Variants in NKTR observed in about 807,000 individuals in gnomAD.
The protein encoded by NKTR is NK-tumor recognition protein.
In NKTR, 67 loss-of-function variants were observed where a neutral mutation model predicts 156.3. The observed-to-expected ratio is 0.43, with a 90% CI of 0.35 to 0.53. The LOEUF (loss-of-function observed/expected upper bound fraction) is 0.53. Among genes scored for constraint, NKTR ranks in the 20% least tolerant of loss-of-function variants. The pLI, the probability that NKTR is intolerant of heterozygous loss-of-function variation, is 0.01. For synonymous variants in NKTR, 640 were observed against 596.6 expected (o/e 1.07, Z -1.06); for missense variants, 1,604 against 1,730.9 (o/e 0.93, Z 1.30).
At chr3:42,619,184 A>G (rs964269710) in intron 4 of NKTR, 57 bp downstream of exon 4, 77 of 1,569,192 alleles carry the variant, frequency 4.9e-5, no homozygotes, top group Non-Finnish European at 6.1e-5. Flanking sequence ...AAAGTATTTC[A>G]TTATTACTTT....
chr3:42,642,110 A>G (rs1709939519), intron 13 of NKTR, among the ~76,000 whole-genome samples: 1 of 152,204 alleles, frequency 6.6e-6, no homozygotes, highest in Non-Finnish European at 1.5e-5. Flanking sequence ...ATTGTGTTCT[A>G]GAGATATATC....
chr3:42,627,254 C>T (rs866790419), intron 6 of NKTR: 10 of 985,234 alleles, frequency 1.0e-5, no homozygotes, highest in Middle Eastern at 5.2e-4. Flanking sequence ...CTAAGGCTCT[C>T]TCTCTCTTTG....
At position 42,639,210 on chromosome 3, in the gene NKTR, A is replaced by G. The variant is rs1417159688; in HGVS notation, c.3506A>G (p.Glu1169Gly). ...GTTTTGAAGCAGGATATGGCAACGG[A>G]ACATCCTCAAGCAGAGGTAGTAAAA... ...NIVLKQDMAT[E>G]HPQAEVVKQE... The change falls in exon 13 of 17, where the codon GAA becomes GGA. Residue 1169 changes from glutamate to glycine, a missense_variant. By Grantham distance (98) the Glu-to-Gly change is moderately conservative (BLOSUM62 -2). Transcript: ENST00000232978. 2 of 1,614,166 alleles carry G rather than the reference A, an allele frequency of 1.2e-6. No individual in the cohort carries two copies. Among genetic ancestry groups the G allele is most frequent in the Non-Finnish European group, 1.7e-6 (2 of 1,180,022 alleles).
Position 42,646,136 on chromosome 3 carries a change from T to A in NKTR, c.*161T>A. ...TCATTTACATGTGGGGAGAAGAATT[T>A]AAAATACAGATATGTCTCCTAAAAA... On this transcript the variant is annotated 3_prime_UTR_variant, in exon 17 of 17. Transcript: ENST00000232978. 1 of 476,952 alleles carries A rather than the reference T, an allele frequency of 2.1e-6. No homozygotes were observed. Among genetic ancestry groups the A allele is most frequent in the East Asian group, 3.2e-5 (1 of 31,196 alleles). 29.5% of individuals were successfully genotyped at this position (476,952 alleles called of 1,614,324 possible). A position where few individuals can be genotyped will look rare whatever the true frequency, so the allele number is the denominator to read the frequency against.
chr3:42,641,528 G>T (rs1709881868), intron 13 of NKTR, among the ~76,000 whole-genome samples: 2 of 152,252 alleles, frequency 1.3e-5, no homozygotes, highest in South Asian at 4.2e-4. Flanking sequence ...CATAAAAAAT[G>T]ATAAAAGTAT....
chr3:42,617,785 A>G (rs776033565), intron 3 of NKTR, 141 bp downstream of exon 3: 3 of 538,316 alleles, frequency 5.6e-6, no homozygotes, highest in Non-Finnish European at 9.9e-6. Flanking sequence ...ACTTATACTG[A>G]CTTTTATATG....
chr3:42,637,530 C>A lies in NKTR; in HGVS notation c.1826C>A (p.Pro609Gln), dbSNP rs778373529. Residue 609 changes from proline (P) to glutamine (Q), a missense_variant, in exon 13 of 17, where the codon CCA becomes CAA. Around this residue, in one of 6 missense-constraint regions of NKTR, gnomAD observed 1,255 missense variants for 1,243.7 expected, o/e 1.01. Transcript: ENST00000232978. ...GTAGCAGAAAATATTCCTGTAATAC[C>A]ACTGAGTGACAGTCCCCCCCCTTCA... ...PVVAENIPVI[P>Q]LSDSPPPSRW... 6.2e-7 allele frequency: 1 copy of A among 1,613,972 alleles called. No homozygotes were observed. The highest frequency in any genetic ancestry group is 1.1e-5 in the South Asian group (1 of 91,052).
chr3:42,623,824 AG>A (rs758321353), intron 6 of NKTR: 1 of 152,276 alleles, frequency 6.6e-6, no homozygotes, highest in Non-Finnish European at 1.5e-5. Context: ...TGAAAAAGAA[AG>A]GATAGTGTAA....
intron 2 of NKTR, among the ~76,000 whole-genome samples, chr3:42,608,464 T>C (rs1037751541): frequency 1.3e-5 from 2 of 152,112 alleles, no homozygotes; most frequent in Non-Finnish European, 2.9e-5. Context: ...GTATTGTAGG[T>C]GCAGAGGGTG....
At position 42,636,876 on chromosome 3, in the gene NKTR, A is replaced by ACC. The variant is rs1559583012; in HGVS notation, c.1175_1176dup (p.Cys393ProfsTer74). ...TTATGTCCTTTCTATAGGTTAAGTG[A>ACC]CCCCTGTTCAAGCCGATGGGATGAA... On this transcript the variant is annotated frameshift_variant, in exon 13 of 17. Coordinates refer to ENST00000232978, the MANE Select transcript of NKTR (RefSeq NM_005385.4). LOFTEE classifies it high-confidence loss of function. 1 of 1,561,304 alleles carries ACC rather than the reference A, an allele frequency of 6.4e-7. No individual in the cohort carries two copies. The highest frequency in any genetic ancestry group is 8.6e-7 in the Non-Finnish European group (1 of 1,161,310).
In NKTR at chr3:42,647,267, AGTGTGTGTGTGT is replaced by A. The variant is rs11442896; in HGVS notation, c.*1316_*1327del. The A allele has an allele frequency of 1.2e-4, 12 of 102,974 alleles. No homozygotes were observed. The highest frequency in any genetic ancestry group is 2.5e-4 in the African/African-American group (6 of 23,684). 6.4% of individuals were successfully genotyped at this position (102,974 alleles called of 1,614,324 possible). A position where few individuals can be genotyped will look rare whatever the true frequency, so the allele number is the denominator to read the frequency against. The stretch of plus-strand genomic sequence containing the variant: ...AAAAATAATTGGACCTGTAAAAACT[AGTGTGTGTGTGT>A]GTGTGTGTGTGTGTGTGTGTGTGGT... On this transcript the variant is annotated 3_prime_UTR_variant, in exon 17 of 17. Coordinates refer to ENST00000232978, the MANE Select transcript of NKTR (RefSeq NM_005385.4).
chr3:42,607,198 T>C (rs1249731530), intron 2 of NKTR, among the ~76,000 whole-genome samples: 2 of 152,218 alleles, frequency 1.3e-5, no homozygotes, highest in Non-Finnish European at 2.9e-5. Context: ...GCTCTTTTTG[T>C]GTCGATACTG....
intron 5 of NKTR, chr3:42,620,377 G>A: frequency 9.5e-7 from 1 of 1,051,668 alleles, no homozygotes; most frequent in Non-Finnish European, 1.1e-6. Flanking sequence ...TCTCATAATA[G>A]TAGCATCTGC....
At chr3:42,620,816 A>G (rs1707839392) in intron 5 of NKTR, 1 of 985,042 alleles carries the variant, frequency 1.0e-6, no homozygotes, top group Non-Finnish European at 1.2e-6. Flanking sequence ...TGTGGCAGAT[A>G]CTTTTGTACC....
rs1038145793 is a variant in NKTR at position 42,620,406 on chromosome 3, C to T, written c.286+698C>T. ...CATCTGCATAAATCTAACTATTGCA[C>T]TTGCCCCAAAAAGCCTTAGAAAAGT... On this transcript the variant is annotated intron_variant, in intron 5 of 16. Transcript: ENST00000232978. 3.9e-6 allele frequency: 4 copies of T among 1,014,300 alleles called. No individual in the cohort carries two copies. The African/African-American group carries it at 5.1e-5, about 13-fold the overall frequency. The allele number at this position is 1,014,300 out of a possible 1,614,324, so 62.8% of individuals were successfully genotyped here.
intron 2 of NKTR, among the ~76,000 whole-genome samples, chr3:42,606,647 ATTAATCTTTAT>A (rs1049088987): frequency 3.9e-5 from 6 of 152,178 alleles, no homozygotes; most frequent in Non-Finnish European, 5.9e-5. Flanking sequence ...TTAAACACCA[ATTAATCTTTAT>A]GTAATCACTT....
intron 6 of NKTR, chr3:42,628,645 C>G: frequency 1.0e-6 from 1 of 985,272 alleles, no homozygotes; most frequent in Non-Finnish European, 1.2e-6. Flanking sequence ...GGAAACCATA[C>G]ATCGTTTTTA....
chr3:42,632,351 A>G (rs1708996301), intron 8 of NKTR, among the ~76,000 whole-genome samples: 1 of 152,056 alleles, frequency 6.6e-6, no homozygotes, highest in Non-Finnish European at 1.5e-5. Context: ...GATTACAGAT[A>G]TGAGTCACTG....
At chr3:42,634,586 A>G (rs757673329) in intron 10 of NKTR, 27 bp from the exon 11 acceptor site, 3 of 1,334,058 alleles carry the variant, frequency 2.2e-6, no homozygotes, top group Admixed American at 2.2e-5. Flanking sequence ...CTTATTTTTA[A>G]TTTTCATCAC....
Sources: gnomAD v4.1 joint callset for allele counts (sites outside exome capture counted in the v4.1 genomes callset) on GRCh38, gnomAD v4.1.1 for gene constraint, gnomAD v4.1.1 regional missense constraint, MANE v1.5 for transcripts, NCBI Gene and HGNC (gene_info 2026-07-23, HGNC 2026-07-21) for gene names.